Variants in ERBB2 observed in about 807,000 individuals in gnomAD.
ERBB2 encodes receptor tyrosine-protein kinase erbB-2.
A neutral mutation model predicts 149.0 loss-of-function variants in ERBB2; 61 were observed. The ratio of observed to expected loss-of-function variants is 0.41; its 90% CI spans 0.33 to 0.51. ERBB2 has a LOEUF of 0.51. Ranked by LOEUF, ERBB2 falls within the 20% of genes least tolerant of loss-of-function variation. The pLI is 0.25. For missense variants in ERBB2, 1,205 were observed against 1,655.1 expected (o/e 0.73, Z 4.72); for synonymous variants, 633 against 678.8 (o/e 0.93, Z 1.05).
chr17:39,701,393 G>A (rs765742344), intron 1 of ERBB2, among the ~76,000 whole-genome samples: 8 of 152,128 alleles, frequency 5.3e-5, no homozygotes, highest in Non-Finnish European at 1.2e-4. Flanking sequence ...ACCCCAGGCA[G>A]TGCGACCCCC....
In ERBB2 at chr17:39,726,865, A is replaced by C. The variant is rs2143172885; in HGVS notation, c.3021A>C (p.Ser1007=). 1 of 1,613,800 alleles carries C rather than the reference A, an allele frequency of 6.2e-7. No homozygotes were observed. Among genetic ancestry groups the C allele is most frequent in the Non-Finnish European group, 8.5e-7 (1 of 1,179,820 alleles). ...ASPLDSTFYR[S]LLEDDDMGDL... ...CCTTGGACAGCACCTTCTACCGCTC[A>C]CTGCTGGAGGACGATGACATGGGGG... The change falls in exon 25 of 27, where the codon TCA becomes TCC. Residue 1007 remains serine, a synonymous_variant. Coordinates refer to ENST00000269571, the MANE Select transcript of ERBB2 (RefSeq NM_004448.4). The surrounding 1 kb of genome is among the most constrained non-coding windows in gnomAD (Gnocchi z 5.1).
rs1489209161 is a variant in ERBB2, at chr17:39,710,474, C to T, written c.894C>T (p.Ala298=). 6.2e-7 allele frequency: 1 copy of T among 1,613,980 alleles called. No homozygotes were observed. Among genetic ancestry groups the T allele is most frequent in the Non-Finnish European group, 8.5e-7 (1 of 1,180,046 alleles). The change falls in exon 7 of 27, where the codon GCC becomes GCT. Residue 298 remains alanine, a synonymous_variant. Transcript: ENST00000269571. ...RYTFGASCVT[A]CPYNYLSTDV... is the part of the protein sequence containing the mutation. ...CATTCGGCGCCAGCTGTGTGACTGC[C>T]TGTCCCTGTGAGTGCCAGGGAGAAA...
Position 39,723,206 on chromosome 17 carries a change from C to CTT in ERBB2, c.1947-113_1947-112insTT. The stretch of plus-strand genomic sequence containing the variant: ...GGAGAGGGTCCAAGCCTGTGGGTCA[C>CTT]CCTTCCGACTTCCCTTTCCGAATGC... On this transcript the variant is annotated intron_variant, in intron 16 of 26. Transcript: ENST00000269571. The surrounding 1 kb of genome is among the most constrained non-coding windows in gnomAD (Gnocchi z 6.2). 8.8e-7 allele frequency: 1 copy of CTT among 1,132,644 alleles called. No homozygotes were observed. Among genetic ancestry groups the CTT allele is most frequent in the African/African-American group, 1.5e-5 (1 of 65,230 alleles). 70.2% of individuals were successfully genotyped at this position (1,132,644 alleles called of 1,614,324 possible).
At chr17:39,694,218 AAAAAAAAAATATATATATATAT>A (rs2057783855), upstream of ERBB2, among the ~76,000 whole-genome samples, 3 of 45,604 alleles carry the variant, frequency 6.6e-5, no homozygotes, top group African/African-American at 3.6e-4. Flanking sequence ...AAAAAAAAAA[AAAAAAAAAATATATATATATAT>A]ATATATATAT....
Position 39,715,758 on chromosome 17 carries a change from C to T in ERBB2, c.1332C>T (p.Thr444=), listed in dbSNP as rs778904008. The change falls in exon 12 of 27, where the codon ACC becomes ACT. Residue 444 remains threonine (T), a synonymous_variant. Coordinates refer to ENST00000269571, the MANE Select transcript of ERBB2 (RefSeq NM_004448.4). The part of the protein sequence containing the change: ...RILHNGAYSL[T]LQGLGISWLG... ...CCCATAGTGGCGCCTACTCGCTGAC[C>T]CTGCAAGGGCTGGGCATCAGCTGGC... The T allele has an allele frequency of 1.9e-6, 3 of 1,607,220 alleles. No homozygotes were observed. The highest frequency in any genetic ancestry group is 1.7e-6 in the Non-Finnish European group (2 of 1,179,976).
At chr17:39,699,425 C>A (rs895403492), upstream of ERBB2, 1 of 806,854 alleles carries the variant, frequency 1.2e-6, no homozygotes, top group Non-Finnish European at 1.9e-6. Flanking sequence ...CGCGCCATTG[C>A]TCTCCAGCCT....
In ERBB2 at chr17:39,716,527, G is replaced by A. The variant is rs768992351; in HGVS notation, c.1659G>A (p.Glu553=). Reference sequence around the variant, plus strand: ...TCCCTTCTCTCAGGCTCCCCAGGGAGTATGTGAATGCCAGGCACTGTTTGC... The same window carrying A: ...TCCCTTCTCTCAGGCTCCCCAGGGAATATGTGAATGCCAGGCACTGTTTGC... ...ECRVLQGLPR[E]YVNARHCLPC... Residue 553 remains glutamate, a synonymous_variant, in exon 14 of 27, where the codon GAG becomes GAA. Coordinates refer to ENST00000269571, the MANE Select transcript of ERBB2 (RefSeq NM_004448.4). 27 of 1,614,068 alleles carry A rather than the reference G, an allele frequency of 1.7e-5. No individual in the cohort carries two copies. The Admixed American group carries it at 4.5e-4, about 27-fold the overall frequency.
At position 39,723,085 on chromosome 17, in the gene ERBB2, T is replaced by C. The variant is rs2059534887; in HGVS notation, c.1947-234T>C. ...TAAGCCAGAGCCAAGGGCAAGAGTA[T>C]AGAGAATCTGGAGATGCGGAGAGGG... On this transcript the variant is annotated intron_variant, in intron 16 of 26. Coordinates refer to ENST00000269571, the MANE Select transcript of ERBB2 (RefSeq NM_004448.4). This position sits in a 1 kb window ranked among gnomAD's most constrained non-coding sequence, Gnocchi z 6.2. 1.3e-5 allele frequency among the ~76,000 whole-genome samples: 2 copies of C among 152,170 alleles called. 1 individual carries two copies. The highest frequency in any genetic ancestry group is 4.1e-4 in the South Asian group (2 of 4,834).
At chr17:39,707,222 G>A (rs2145415776) in intron 2 of ERBB2, 81 bp downstream of exon 2, 1 of 1,261,368 alleles carries the variant, frequency 7.9e-7, no homozygotes, top group Non-Finnish European at 1.1e-6. Flanking sequence ...GCAGAAGAAG[G>A]TGCCCTGCCC....
chr17:39,722,012 A>C (rs1400687854), intron 16 of ERBB2, among the ~76,000 whole-genome samples: 1 of 152,000 alleles, frequency 6.6e-6, no homozygotes, highest in Non-Finnish European at 1.5e-5. Flanking sequence ...TCCACCTCTC[A>C]GGTTCAAACG....
At chr17:39,700,778 A>G (rs929336868) in intron 1 of ERBB2, among the ~76,000 whole-genome samples, 4 of 151,584 alleles carry the variant, frequency 2.6e-5, no homozygotes, top group African/African-American at 9.7e-5. Context: ...GCTCCCCTTC[A>G]GACGATTTTG....
chr17:39,719,222 G>C (rs2059318083), intron 15 of ERBB2, among the ~76,000 whole-genome samples: 1 of 151,388 alleles, frequency 6.6e-6, no homozygotes, highest in East Asian at 1.9e-4. Flanking sequence ...GATTGCACCA[G>C]TGCACTCCAA....
At chr17:39,713,892 CA>C (rs1410061444) in intron 9 of ERBB2, among the ~76,000 whole-genome samples, 1 of 151,370 alleles carries the variant, frequency 6.6e-6, no homozygotes, top group Non-Finnish European at 1.5e-5. Flanking sequence ...CCCATCTCTA[CA>C]AAAAAACACA....
rs1453612526 is a variant in ERBB2 at position 39,725,869 on chromosome 17, G to A, written c.2872+16G>A. ...ATGGTCAAATGTGCGTGGCTGAGCTGTGCTGGCTGCCTGGAGGAGGGTGGG... is the reference window on the plus strand; with the variant it reads ...ATGGTCAAATGTGCGTGGCTGAGCTATGCTGGCTGCCTGGAGGAGGGTGGG... On this transcript the variant is annotated intron_variant, in intron 23 of 26. Transcript: ENST00000269571. The surrounding 1 kb of genome is among the most constrained non-coding windows in gnomAD (Gnocchi z 4.6). The A allele has an allele frequency of 6.2e-7, 1 of 1,612,690 alleles. No individual in the cohort carries two copies. Among genetic ancestry groups the A allele is most frequent in the South Asian group, 1.1e-5 (1 of 90,748 alleles).
At chr17:39,702,469 A>G (rs2058168892) in intron 1 of ERBB2, among the ~76,000 whole-genome samples, 1 of 152,228 alleles carries the variant, frequency 6.6e-6, no homozygotes. Flanking sequence ...CAGCAAATAC[A>G]TCCTTTTAAT....
At chr17:39,699,536 G>T, upstream of ERBB2, 1 of 1,534,798 alleles carries the variant, frequency 6.5e-7, no homozygotes, top group South Asian at 1.2e-5. Flanking sequence ...ATGCTTTTCA[G>T]ATACTTCAAA....
intron 2 of ERBB2, among the ~76,000 whole-genome samples, chr17:39,689,911 A>C (rs932943675): frequency 2.0e-5 from 3 of 151,810 alleles, no homozygotes; most frequent in Non-Finnish European, 4.4e-5. Context: ...AAAAAAAAAA[A>C]AAAAAAGAAA....
chr17:39,712,295 C>T (rs1424942879), intron 8 of ERBB2, 27 bp from the exon 9 acceptor site: 4 of 1,612,722 alleles, frequency 2.5e-6, no homozygotes, highest in Non-Finnish European at 3.4e-6. Context: ...GAGACGGCCC[C>T]TTCCCCACCC....
rs2059673641 is a variant in ERBB2 at position 39,725,034 on chromosome 17, T to C, written c.2494-15T>C. ...GGCCCTCCCAGAAGGTCTACATGGG[T>C]GCTTCCCATTCCAGGGGATGAGCTA... On this transcript the variant is annotated splice_polypyrimidine_tract_variant and intron_variant, in intron 20 of 26. Coordinates refer to ENST00000269571, the MANE Select transcript of ERBB2 (RefSeq NM_004448.4). This position sits in a 1 kb window ranked among gnomAD's most constrained non-coding sequence, Gnocchi z 4.6. 1.2e-6 allele frequency: 2 copies of C among 1,613,876 alleles called. No individual in the cohort carries two copies. The highest frequency in any genetic ancestry group is 1.7e-6 in the Non-Finnish European group (2 of 1,179,988).
Sources: gnomAD v4.1 joint callset for allele counts (sites outside exome capture counted in the v4.1 genomes callset) on GRCh38, gnomAD v4.1.1 for gene constraint, Gnocchi (gnomAD v3.1) non-coding constraint, MANE v1.5 for transcripts, NCBI Gene and HGNC (gene_info 2026-07-23, HGNC 2026-07-21) for gene names.